The following HIBCH variants were observed in gnomAD, a reference collection of about 807,000 sequenced individuals.
HIBCH encodes 3-hydroxyisobutyryl-CoA hydrolase.
A neutral mutation model predicts 58.2 loss-of-function variants in HIBCH; 50 were observed. The observed-to-expected ratio is 0.86, with a 90% CI of 0.68 to 1.09. The LOEUF (loss-of-function observed/expected upper bound fraction) is 1.09, where lower values mean the gene tolerates loss of function less well. HIBCH is among the 50% of genes least tolerant of loss of function. HIBCH has a pLI of 0.00. For missense variants in HIBCH, 450 were observed against 449.7 expected (o/e 1.00, Z -0.01); for synonymous variants, 151 against 146.9 (o/e 1.03, Z -0.20).
intron 7 of HIBCH, among the ~76,000 whole-genome samples, chr2:190,258,454 C>T (rs780503277): frequency 5.7e-4 from 86 of 152,144 alleles, no homozygotes; most frequent in Admixed American, 3.8e-3. Context: ...AACTAGGCAA[C>T]GAGCAGAGAT....
downstream of HIBCH, chr2:190,199,958 G>T (rs539494413): frequency 6.2e-7 from 1 of 1,614,116 alleles, no homozygotes; most frequent in African/African-American, 1.3e-5. Context: ...CCAGAAGAGA[G>T]ATGTCTACCT....
At chr2:190,311,681 G>A (rs1034865204) in intron 1 of HIBCH, among the ~76,000 whole-genome samples, 4 of 152,148 alleles carry the variant, frequency 2.6e-5, no homozygotes, top group African/African-American at 7.2e-5. Flanking sequence ...TTATTTACAG[G>A]ATGGAAAAAC....
chr2:190,208,933 A>G lies in HIBCH; in HGVS notation c.1012-20T>C. On this transcript the variant is annotated intron_variant, in intron 12 of 13. Coordinates refer to ENST00000359678, the MANE Select transcript of HIBCH (RefSeq NM_014362.4). Reference sequence around the variant, plus strand: ...ACCTCTCTGAAAGAAAATTGAGATTAAATGGGGATAATTTCTGGGTGTCCT... The same window carrying G: ...ACCTCTCTGAAAGAAAATTGAGATTGAATGGGGATAATTTCTGGGTGTCCT... The G allele has an allele frequency of 6.2e-7, 1 of 1,610,440 alleles. No homozygotes were observed. The highest frequency in any genetic ancestry group is 8.5e-7 in the Non-Finnish European group (1 of 1,177,238).
intron 1 of HIBCH, among the ~76,000 whole-genome samples, chr2:190,195,011 T>C (rs958366747): frequency 2.0e-5 from 3 of 152,126 alleles, no homozygotes; most frequent in African/African-American, 7.2e-5. Flanking sequence ...TGCACCACCA[T>C]GCCTGGCTAA....
Position 190,311,131 on chromosome 2 carries a change from A to G in HIBCH, c.36-335T>C, listed in dbSNP as rs7595379. On this transcript the variant is annotated intron_variant, in intron 1 of 13. Coordinates refer to ENST00000359678, the MANE Select transcript of HIBCH (RefSeq NM_014362.4). ...AAAGAGCTATTATGCCACAAAAAAA[A>G]TTGGACGAAACTTAAATGCATACAT... 2.3e-3 allele frequency: 1,026 copies of G among 446,916 alleles called. 9 individuals carry two copies. Among genetic ancestry groups the G allele is most frequent in the African/African-American group, 0.019 (950 of 49,608 alleles). The allele number at this position is 446,916 out of a possible 1,614,324, so 27.7% of individuals were successfully genotyped here.
chr2:190,299,624 A>G (rs1470346538), intron 2 of HIBCH, among the ~76,000 whole-genome samples: 3 of 152,256 alleles, frequency 2.0e-5, no homozygotes, highest in Middle Eastern at 6.8e-3. Context: ...ATAGATACAC[A>G]TGGCTTTTAT....
In HIBCH at chr2:190,281,767, T is replaced by C. The variant is rs1687709802; in HGVS notation, c.438+5819A>G. Among the ~76,000 whole-genome samples the C allele has an allele frequency of 6.6e-6, 1 of 152,192 alleles. No individual in the cohort carries two copies. The highest frequency in any genetic ancestry group is 1.5e-5 in the Non-Finnish European group (1 of 68,036). ...ACAGCTTTATGTAAGCTATTAAAAGTAGCCATGCAGCAGCCTGAATGCTTT... is the reference window on the plus strand; with the variant it reads ...ACAGCTTTATGTAAGCTATTAAAAGCAGCCATGCAGCAGCCTGAATGCTTT... On this transcript the variant is annotated intron_variant, in intron 6 of 13. Transcript: ENST00000359678. This position sits in a 1 kb window ranked among gnomAD's most constrained non-coding sequence, Gnocchi z 5.4.
At chr2:190,285,187 T>C (rs1687800587) in intron 6 of HIBCH, among the ~76,000 whole-genome samples, 2 of 152,248 alleles carry the variant, frequency 1.3e-5, no homozygotes, top group Admixed American at 1.3e-4. Flanking sequence ...ATCCTCCCTG[T>C]TTCCTGTTTC....
intron 1 of HIBCH, 117 bp from the exon 2 acceptor site, chr2:190,310,913 G>C (rs377028827): frequency 1.3e-6 from 1 of 757,426 alleles, no homozygotes; most frequent in African/African-American, 1.7e-5. Flanking sequence ...AGAACAAAAA[G>C]TTTTAAAAGG....
At position 190,211,512 on chromosome 2, in the gene HIBCH, T is replaced by C. The variant is rs1052169462; in HGVS notation, c.1011+1444A>G. On this transcript the variant is annotated intron_variant, in intron 12 of 13. Transcript: ENST00000359678. This position sits in a 1 kb window ranked among gnomAD's most constrained non-coding sequence, Gnocchi z 5.0. ...TTAAAGCAAATTGAACCGAATGAAA[T>C]GAAAAATCAAATCACCTCCTGCTTA... Among the ~76,000 whole-genome samples the C allele has an allele frequency of 3.9e-5, 6 of 152,124 alleles. No individual in the cohort carries two copies. Among genetic ancestry groups the C allele is most frequent in the African/African-American group, 9.7e-5 (4 of 41,436 alleles).
intron 6 of HIBCH, 43 bp downstream of exon 6, chr2:190,287,543 T>C: frequency 8.2e-7 from 1 of 1,218,772 alleles, no homozygotes; most frequent in Middle Eastern, 1.9e-4. Flanking sequence ...TTATTTTTAA[T>C]ACAACTCACT....
At position 190,208,799 on chromosome 2, in the gene HIBCH, T is replaced by C. The variant is rs77652701; in HGVS notation, c.1045+81A>G. On this transcript the variant is annotated intron_variant, in intron 13 of 13. Coordinates refer to ENST00000359678, the MANE Select transcript of HIBCH (RefSeq NM_014362.4). ...TTTGGATTTTAGGATTTGGGATGCA[T>C]AATCTGTATCTTCTTTAATTAACAG... The C allele has an allele frequency of 4.9e-3, 6,139 of 1,265,686 alleles. 37 individuals are homozygous for C. Among genetic ancestry groups the C allele is most frequent in the Non-Finnish European group, 6.0e-3 (5,179 of 868,378 alleles). The allele number at this position is 1,265,686 out of a possible 1,614,324, so 78.4% of individuals were successfully genotyped here. A position where few individuals can be genotyped will look rare whatever the true frequency, so the allele number is the denominator to read the frequency against.
At chr2:190,294,913 A>G (rs1482738800) in intron 3 of HIBCH, among the ~76,000 whole-genome samples, 1 of 152,218 alleles carries the variant, frequency 6.6e-6, no homozygotes, top group Non-Finnish European at 1.5e-5. Context: ...AATCTTTGCC[A>G]TAACTTTGAT....
chr2:190,257,706 T>A (rs909859881), intron 7 of HIBCH, among the ~76,000 whole-genome samples: 1 of 152,084 alleles, frequency 6.6e-6, no homozygotes, highest in Non-Finnish European at 1.5e-5. Flanking sequence ...AAGCCCAATA[T>A]CATGGTGCCA....
chr2:190,309,754 T>C (rs774633547), intron 2 of HIBCH, among the ~76,000 whole-genome samples: 1 of 151,908 alleles, frequency 6.6e-6, no homozygotes, highest in Non-Finnish European at 1.5e-5. Context: ...AGAGATGGGG[T>C]TTCACAGTCT....
In HIBCH at chr2:190,319,649, G is replaced by A. The variant is rs1046358259; in HGVS notation, c.35+67C>T. ...TTCGAGGCCAGCAGTCTCCACCCCC[G>A]GCCCTTTTCCCACTGTGGCGAGTGC... On this transcript the variant is annotated intron_variant, in intron 1 of 13. Transcript: ENST00000359678. 71 of 1,357,856 alleles carry A rather than the reference G, an allele frequency of 5.2e-5. 1 individual carries two copies. The Middle Eastern group carries it at 5.3e-4, about 10-fold the overall frequency. 84.1% of individuals were successfully genotyped at this position (1,357,856 alleles called of 1,614,324 possible).
In HIBCH at chr2:190,282,749, C is replaced by T. The variant is rs116753716; in HGVS notation, c.438+4837G>A. The stretch of plus-strand genomic sequence containing the variant: ...CTGTTCACTTCCAGCCTGTTGTTTA[C>T]TCTTTCAACGGCTATACAAGATGTT... On this transcript the variant is annotated intron_variant, in intron 6 of 13. Transcript: ENST00000359678. Among the ~76,000 whole-genome samples the T allele has an allele frequency of 6.8e-3, 1,025 of 151,712 alleles. 13 individuals carry two copies. Among genetic ancestry groups the T allele is most frequent in the African/African-American group, 0.023 (931 of 41,334 alleles).
intron 4 of HIBCH, 57 bp downstream of exon 4, chr2:190,294,488 TA>T: frequency 9.2e-7 from 1 of 1,084,460 alleles, no homozygotes; most frequent in Non-Finnish European, 1.4e-6. Context: ...AATTTGACAA[TA>T]CTTGATCAGT....
chr2:190,193,135 T>C (rs923506844), intron 1 of HIBCH, among the ~76,000 whole-genome samples: 4 of 152,158 alleles, frequency 2.6e-5, no homozygotes, highest in African/African-American at 9.7e-5. Flanking sequence ...GAGGAAGGCC[T>C]TCCTATTAAT....
Sources: allele counts gnomAD v4.1 joint callset (sites outside exome capture counted in the v4.1 genomes callset), GRCh38; gene constraint gnomAD v4.1.1; non-coding constraint Gnocchi (gnomAD v3.1); transcripts MANE v1.5; gene names NCBI Gene and HGNC (gene_info 2026-07-23, HGNC 2026-07-21).